The following ZRANB3 variants were observed in gnomAD, a reference collection of about 807,000 sequenced individuals.
The protein encoded by ZRANB3 is DNA annealing helicase and endonuclease ZRANB3.
ZRANB3 carries 125 observed loss-of-function variants against 133.8 expected under a neutral mutation model. The observed-to-expected ratio is 0.93, with a 90% CI of 0.81 to 1.08. The LOEUF (loss-of-function observed/expected upper bound fraction) is 1.08. Ranked by LOEUF, ZRANB3 falls within the 50% of genes least tolerant of loss-of-function variation. The probability of loss-of-function intolerance (pLI) is 0.00; values close to 1 mark genes in which losing one functional copy is unlikely to be tolerated. For synonymous variants in ZRANB3, 387 were observed against 432.7 expected, an observed-to-expected ratio of 0.89 and a Z score of 1.31; for missense variants, 1,229 against 1,275.5, an observed-to-expected ratio of 0.96 and a Z score of 0.56.
chr2:135,403,600 A>G (rs1359563294), intron 2 of ZRANB3, among the ~76,000 whole-genome samples: 1 of 152,166 alleles, frequency 6.6e-6, no homozygotes, highest in African/African-American at 2.4e-5. Flanking sequence ...CTTTGAAGAG[A>G]GCAGTGGTTA....
chr2:135,378,942 G>A (rs1308003278), intron 3 of ZRANB3, among the ~76,000 whole-genome samples: 3 of 152,136 alleles, frequency 2.0e-5, no homozygotes, highest in Non-Finnish European at 2.9e-5. Flanking sequence ...GTGTTTCCTG[G>A]ATGGAATCCT....
rs1002750383 is a variant in ZRANB3 at position 135,531,170 on chromosome 2, A to T, written c.-51T>A. 6.6e-6 allele frequency: 1 copy of T among 152,238 alleles called. No individual in the cohort carries two copies. The highest frequency in any genetic ancestry group is 1.9e-4 in the East Asian group (1 of 5,192). 9.4% of individuals were successfully genotyped at this position (152,238 alleles called of 1,614,324 possible). On this transcript the variant is annotated 5_prime_UTR_variant, in exon 1 of 21. Coordinates refer to ENST00000264159, the MANE Select transcript of ZRANB3 (RefSeq NM_032143.4). ...CACGAAACTCCGCACCTCAGGCTCCAACTCGTGGGAAAAGGTAGCTCTTTT... is the reference window on the plus strand; with the variant it reads ...CACGAAACTCCGCACCTCAGGCTCCTACTCGTGGGAAAAGGTAGCTCTTTT...
At chr2:135,265,177 T>A (rs901382295) in intron 12 of ZRANB3, among the ~76,000 whole-genome samples, 3 of 152,380 alleles carry the variant, frequency 2.0e-5, no homozygotes, top group East Asian at 1.9e-4. Flanking sequence ...ACATTTTGTA[T>A]AACAAAACCT....
rs576678291 is a variant in ZRANB3, at chr2:135,376,992, A to G, written c.180+13810T>C. On this transcript the variant is annotated intron_variant, in intron 3 of 20. Transcript: ENST00000264159. ...GTAACATTGGAAATGAATGGAGTCTATAAGAATAAAGTCAAAAGGAACTGT... is the reference window on the plus strand; with the variant it reads ...GTAACATTGGAAATGAATGGAGTCTGTAAGAATAAAGTCAAAAGGAACTGT... 8.1e-4 allele frequency among the ~76,000 whole-genome samples: 124 copies of G among 152,354 alleles called. 1 individual carries two copies. The highest frequency in any genetic ancestry group is 2.6e-3 in the African/African-American group (110 of 41,580).
intron 3 of ZRANB3, among the ~76,000 whole-genome samples, chr2:135,383,798 G>A (rs1686834016): frequency 6.6e-6 from 1 of 152,052 alleles, no homozygotes; most frequent in Admixed American, 6.5e-5. Context: ...AAACCAACGA[G>A]AACAAAGACA....
At chr2:135,208,586 G>C (rs1212967921) in intron 18 of ZRANB3, among the ~76,000 whole-genome samples, 1 of 152,204 alleles carries the variant, frequency 6.6e-6, no homozygotes, top group South Asian at 2.1e-4. Context: ...CGGGGACAGA[G>C]CCCAGATTTA....
chr2:135,357,250 GC>G (rs1685478762), intron 3 of ZRANB3, among the ~76,000 whole-genome samples: 1 of 151,904 alleles, frequency 6.6e-6, no homozygotes, highest in Non-Finnish European at 1.5e-5. Flanking sequence ...ACAGGCGAGT[GC>G]CACCACGCCT....
chr2:135,453,663 C>T (rs1473126946), intron 2 of ZRANB3, among the ~76,000 whole-genome samples: 1 of 152,194 alleles, frequency 6.6e-6, no homozygotes, highest in Non-Finnish European at 1.5e-5. Flanking sequence ...GCTCCAATTC[C>T]CAACAAGTTC....
chr2:135,418,925 C>CTCTTTTTTT (rs60788576), intron 2 of ZRANB3, among the ~76,000 whole-genome samples: 3 of 85,900 alleles, frequency 3.5e-5, no homozygotes, highest in South Asian at 5.4e-4. Context: ...AGGATTCTCT[C>CTCTTTTTTT]TTTTTTTTTT....
chr2:135,448,245 C>T lies in ZRANB3; in HGVS notation c.161+56084G>A, dbSNP rs937749169. On this transcript the variant is annotated intron_variant, in intron 2 of 20. Coordinates refer to ENST00000264159, the MANE Select transcript of ZRANB3 (RefSeq NM_032143.4). ...TGATTCATGATCTTTCCTCTTTTAA[C>T]AAAGATTTCCTGCGCTCTCAGCTGC... Among the ~76,000 whole-genome samples the T allele has an allele frequency of 2.0e-5, 3 of 152,168 alleles. No homozygotes were observed. In the East Asian group the frequency reaches 5.8e-4, roughly 29 times the overall value.
intron 2 of ZRANB3, among the ~76,000 whole-genome samples, chr2:135,437,058 C>G (rs1440700830): frequency 6.6e-6 from 1 of 152,210 alleles, no homozygotes; most frequent in Non-Finnish European, 1.5e-5. Flanking sequence ...CTCCTGGGTT[C>G]AAGCGATTCT....
At position 135,265,638 on chromosome 2, in the gene ZRANB3, C is replaced by A. The variant is rs1427668260; in HGVS notation, c.1435G>T (p.Ala479Ser). ...TLNGRKEKIQ[A>S]EEGDKEKWDF... ...CATTTTTCCTTATCACCTTCCTCAG[C>A]CTGAATTTTTTCTTTCCTACCGTTC... The change falls in exon 12 of 21, where the codon GCT becomes TCT. Residue 479 changes from alanine (A) to serine (S), a missense_variant. Ala to Ser is a moderately conservative substitution (Grantham distance 99, BLOSUM62 1). Coordinates refer to ENST00000264159, the MANE Select transcript of ZRANB3 (RefSeq NM_032143.4). 6.2e-7 allele frequency: 1 copy of A among 1,613,716 alleles called. No homozygotes were observed. The highest frequency in any genetic ancestry group is 8.5e-7 in the Non-Finnish European group (1 of 1,179,796).
chr2:135,364,687 G>A (rs148111248), intron 3 of ZRANB3, among the ~76,000 whole-genome samples: 2,126 of 152,256 alleles, frequency 0.014, 32 homozygotes, highest in Non-Finnish European at 0.019. Flanking sequence ...GGGAGGCGAA[G>A]GTTGCAGTGA....
chr2:135,416,132 A>T (rs1688562417), intron 2 of ZRANB3, among the ~76,000 whole-genome samples: 1 of 151,966 alleles, frequency 6.6e-6, no homozygotes, highest in Non-Finnish European at 1.5e-5. Flanking sequence ...AGAAGGAAAT[A>T]AAGGGCATTC....
At chr2:135,528,203 C>T (rs1254854429) in intron 1 of ZRANB3, among the ~76,000 whole-genome samples, 3 of 151,444 alleles carry the variant, frequency 2.0e-5, no homozygotes, top group South Asian at 2.1e-4. Context: ...GGCTGGAGTG[C>T]AGTGGCTCAA....
rs547990980 is a variant in ZRANB3, at chr2:135,355,425, G to A, written c.181-1797C>T. Among the ~76,000 whole-genome samples, 95 of 150,228 alleles carry A rather than the reference G, an allele frequency of 6.3e-4. 1 individual carries two copies. Among genetic ancestry groups the A allele is most frequent in the African/African-American group, 1.2e-3 (51 of 40,814 alleles). On this transcript the variant is annotated intron_variant, in intron 3 of 20. Transcript: ENST00000264159. Reference sequence around the variant, plus strand: ...TGCCCAGGCTGGAGTGCAATAGCACGATCTCGGCTCACAGCAACCTCCACC... The same window carrying A: ...TGCCCAGGCTGGAGTGCAATAGCACAATCTCGGCTCACAGCAACCTCCACC...
At chr2:135,288,873 CGTGTGTGT>C (rs57200280) in intron 8 of ZRANB3, among the ~76,000 whole-genome samples, 19 of 141,396 alleles carry the variant, frequency 1.3e-4, no homozygotes, top group Admixed American at 3.5e-4. Context: ...CTTCATTTAT[CGTGTGTGT>C]GTGTGTGTGT....
At chr2:135,308,951 A>C (rs1015949034) in intron 8 of ZRANB3, among the ~76,000 whole-genome samples, 3 of 151,940 alleles carry the variant, frequency 2.0e-5, no homozygotes, top group Non-Finnish European at 4.4e-5. Context: ...ACATAAGAAA[A>C]GTCATCTAAA....
chr2:135,258,660 T>C (rs1679784746), intron 12 of ZRANB3, among the ~76,000 whole-genome samples: 1 of 152,244 alleles, frequency 6.6e-6, no homozygotes, highest in Admixed American at 6.5e-5. Flanking sequence ...GCTGCCCTCA[T>C]GTCCTTATCA....
Sources: allele counts gnomAD v4.1 joint callset (sites outside exome capture counted in the v4.1 genomes callset), GRCh38; gene constraint gnomAD v4.1.1; transcripts MANE v1.5; gene names NCBI Gene and HGNC (gene_info 2026-07-23, HGNC 2026-07-21).